TSPAN11: variants seen among roughly 807,000 people sequenced by gnomAD.
TSPAN11 encodes tetraspanin 11, also known as tetraspanin-11.
Under a neutral mutation model 32.9 loss-of-function variants are expected in TSPAN11, and 29 were observed. The observed-to-expected ratio is 0.88, with a 90% confidence interval of 0.66 to 1.20. TSPAN11 has a LOEUF of 1.20. TSPAN11 is among the 50% of genes most tolerant of loss of function. TSPAN11 has a pLI of 0.00. For missense variants in TSPAN11, 283 were observed against 329.1 expected, an observed-to-expected ratio of 0.86 and a Z score of 1.08; for synonymous variants, 140 against 141.3, an observed-to-expected ratio of 0.99 and a Z score of 0.07.
chr12:30,971,447 C>A (rs17692279), intron 3 of TSPAN11, among the ~76,000 whole-genome samples: 13,326 of 152,224 alleles, frequency 0.088, 675 homozygotes, highest in Non-Finnish European at 0.12. Context: ...TAAGTCCAAC[C>A]CTCAATTTCT....
At chr12:30,956,860 CT>C (rs1472709047) in intron 2 of TSPAN11, among the ~76,000 whole-genome samples, 1 of 152,250 alleles carries the variant, frequency 6.6e-6, no homozygotes, top group African/African-American at 2.4e-5. Flanking sequence ...ATGGGGAGCA[CT>C]GAGGAAGCAG....
intron 3 of TSPAN11, among the ~76,000 whole-genome samples, chr12:30,971,563 G>A (rs1444246447): frequency 6.6e-6 from 1 of 152,070 alleles, no homozygotes; most frequent in East Asian, 1.9e-4. Flanking sequence ...GATATGGTGA[G>A]ACCCTATCTC....
chr12:30,953,899 C>A (rs983882432), intron 1 of TSPAN11, 82 bp from the exon 2 acceptor site: 12 of 1,012,658 alleles, frequency 1.2e-5, no homozygotes, highest in Non-Finnish European at 1.6e-5. Context: ...TTGAAGGGAG[C>A]CTTGCCAAGA....
rs186494156 is a variant in TSPAN11, at chr12:30,965,464, G to A, written c.276+1447G>A. ...AAGAATACAGAAGCCCCCACCGAGC[G>A]CCTTCCTCTGACCCAGAGCCATCTG... On this transcript the variant is annotated intron_variant, in intron 3 of 7. Transcript: ENST00000546076. Among the ~76,000 whole-genome samples the A allele has an allele frequency of 3.4e-5, 5 of 147,128 alleles. No individual in the cohort carries two copies. In the East Asian group the frequency reaches 7.7e-4, roughly 23 times the overall value.
At chr12:30,954,891 T>C (rs1592472624) in intron 2 of TSPAN11, 1 of 152,316 alleles carries the variant, frequency 6.6e-6, no homozygotes, top group East Asian at 1.9e-4. Flanking sequence ...ATTTTGAATA[T>C]ATTAGATGTC....
intron 1 of TSPAN11, among the ~76,000 whole-genome samples, chr12:30,947,207 A>T (rs1938286466): frequency 6.6e-6 from 1 of 152,154 alleles, no homozygotes; most frequent in Non-Finnish European, 1.5e-5. Flanking sequence ...GCAAAGAAAA[A>T]TTGTGGGGTA....
Position 30,995,447 on chromosome 12 carries a change from T to C in TSPAN11, c.*3532T>C, listed in dbSNP as rs2140318064. The C allele has an allele frequency of 6.6e-6, 1 of 152,490 alleles. No individual in the cohort carries two copies. Among genetic ancestry groups the C allele is most frequent in the African/African-American group, 2.4e-5 (1 of 41,580 alleles). 9.4% of individuals were successfully genotyped at this position (152,490 alleles called of 1,614,324 possible). The stretch of plus-strand genomic sequence containing the variant: ...TCTGTCAGGGAGCTTGTGCTGTGCA[T>C]GGCCAGAGGTGTTTACATCCAGAAG... On this transcript the variant is annotated 3_prime_UTR_variant, in exon 8 of 8. Transcript: ENST00000546076.
At chr12:30,977,332 C>T (rs952451066) in intron 3 of TSPAN11, among the ~76,000 whole-genome samples, 1 of 152,234 alleles carries the variant, frequency 6.6e-6, no homozygotes, top group East Asian at 1.9e-4. Flanking sequence ...TGCCCACACT[C>T]CTTTCCCTGC....
chr12:30,982,529 C>A lies in TSPAN11; in HGVS notation c.457-3C>A, dbSNP rs969842451. The A allele has an allele frequency of 5.6e-6, 9 of 1,601,936 alleles. No homozygotes were observed. The Admixed American group carries it at 1.3e-4, about 24-fold the overall frequency. On this transcript the variant is annotated splice_polypyrimidine_tract_variant and splice_region_variant and intron_variant, in intron 5 of 7. Transcript: ENST00000546076. The stretch of plus-strand genomic sequence containing the variant: ...CAGCCTCTGCCTCTGCCTCTGCCTC[C>A]AGTTCAAGTGCTGTGGAAGCAACAG...
At chr12:30,960,385 G>A (rs952713066) in intron 2 of TSPAN11, among the ~76,000 whole-genome samples, 5 of 152,096 alleles carry the variant, frequency 3.3e-5, no homozygotes, top group East Asian at 3.9e-4. Flanking sequence ...ACTCCCCTCC[G>A]CAGAGGATCC....
At chr12:31,010,881 C>T in the TSPAN11 span, among the ~76,000 whole-genome samples, 34,599 of 151,974 alleles carry the variant, frequency 0.23, 4,366 homozygotes, top group Admixed American at 0.31. Context: ...GCACTCCCAC[C>T]ACCAAGACCT....
At chr12:30,946,937 T>C (rs1938280789) in intron 1 of TSPAN11, among the ~76,000 whole-genome samples, 1 of 152,120 alleles carries the variant, frequency 6.6e-6, no homozygotes, top group Non-Finnish European at 1.5e-5. Flanking sequence ...TTTTGCCCCT[T>C]AGGGACACCT....
rs1161302294 is a variant in TSPAN11 at position 30,982,612 on chromosome 12, G to C, written c.537G>C (p.Gln179His). 6.2e-7 allele frequency: 1 copy of C among 1,612,738 alleles called. No homozygotes were observed. Among genetic ancestry groups the C allele is most frequent in the South Asian group, 1.1e-5 (1 of 91,034 alleles). The change falls in exon 6 of 8, where the codon CAG becomes CAC. Residue 179 changes from glutamine to histidine, a missense_variant. Physicochemically the swap from Gln to His is conservative, Grantham distance 24 (BLOSUM62 0). Transcript: ENST00000546076. ...YILLREAEGR[Q>H]VPDSCCKTVV... Reference sequence around the variant, plus strand: ...TGTTGCGGGAGGCCGAGGGCCGCCAGGTGCCCGACAGCTGCTGCAAGACAG... The same window carrying C: ...TGTTGCGGGAGGCCGAGGGCCGCCACGTGCCCGACAGCTGCTGCAAGACAG...
At chr12:30,931,121 C>G (rs371027707) in intron 1 of TSPAN11, among the ~76,000 whole-genome samples, 1 of 152,160 alleles carries the variant, frequency 6.6e-6, no homozygotes, top group Non-Finnish European at 1.5e-5. Flanking sequence ...GTTCTCAGCC[C>G]TATCCTGGCT....
chr12:31,014,859 T>C, the TSPAN11 span, among the ~76,000 whole-genome samples: 1 of 152,230 alleles, frequency 6.6e-6, no homozygotes, highest in Non-Finnish European at 1.5e-5. Context: ...TTGGCAATTA[T>C]CTTTTGCAAA....
intron 3 of TSPAN11, among the ~76,000 whole-genome samples, chr12:30,968,084 T>G (rs1048570125): frequency 6.6e-6 from 1 of 152,220 alleles, no homozygotes; most frequent in African/African-American, 2.4e-5. Flanking sequence ...GTTCCTTCCT[T>G]GTTTCATTTC....
chr12:30,939,287 A>G (rs1161262568), intron 1 of TSPAN11, among the ~76,000 whole-genome samples: 1 of 150,738 alleles, frequency 6.6e-6, no homozygotes, highest in African/African-American at 2.4e-5. Context: ...TCACTGAGTT[A>G]TTGAGACAAG....
chr12:30,967,674 GTGCACACACATGCATATGCA>G (rs58194254), intron 3 of TSPAN11, among the ~76,000 whole-genome samples: 23,282 of 151,330 alleles, frequency 0.15, 2,033 homozygotes, highest in East Asian at 0.39. Context: ...ACACACATTC[GTGCACACACATGCATATGCA>G]TGCACACACA....
chr12:30,987,814 G>A (rs1161428798), intron 7 of TSPAN11, among the ~76,000 whole-genome samples: 1 of 152,180 alleles, frequency 6.6e-6, no homozygotes, highest in Non-Finnish European at 1.5e-5. Flanking sequence ...GCACCCTCGT[G>A]GTCTTGAAAT....
Sources: allele counts gnomAD v4.1 joint callset (sites outside exome capture counted in the v4.1 genomes callset), GRCh38; gene constraint gnomAD v4.1.1; transcripts MANE v1.5; gene names NCBI Gene and HGNC (gene_info 2026-07-23, HGNC 2026-07-21).